Variants in GLI3 observed in about 807,000 individuals in gnomAD.
The protein encoded by GLI3 is GLI family zinc finger 3.
GLI3 carries 20 observed loss-of-function variants against 100.8 expected under a neutral mutation model. The observed-to-expected ratio is 0.20, with a 90% confidence interval of 0.14 to 0.29. The LOEUF is 0.29. Among genes scored for constraint, GLI3 ranks in the 10% least tolerant of loss-of-function variants. The pLI is 1.00. For missense variants in GLI3, 2,040 were observed against 2,128.5 expected, an observed-to-expected ratio of 0.96 and a Z score of 0.82; for synonymous variants, 938 against 860.5, an observed-to-expected ratio of 1.09 and a Z score of -1.58.
rs375273542 is a variant in GLI3, at chr7:42,190,017, C to G, written c.124+33113G>C. Among the ~76,000 whole-genome samples, 286 of 131,082 alleles carry G rather than the reference C, an allele frequency of 2.2e-3. 2 individuals carry two copies. The highest frequency in any genetic ancestry group is 5.0e-3 in the African/African-American group (171 of 33,990). 86.0% of individuals were successfully genotyped at this position (131,082 alleles called of 152,430 possible). ...ACACACACACACACACACACACACA[C>G]AGAGAACTATATTTTGCAATTACAT... On this transcript the variant is annotated intron_variant, in intron 2 of 14. Coordinates refer to ENST00000395925, the MANE Select transcript of GLI3 (RefSeq NM_000168.6).
intron 2 of GLI3, among the ~76,000 whole-genome samples, chr7:42,173,224 C>T (rs762813722): frequency 6.6e-5 from 10 of 152,150 alleles, no homozygotes; most frequent in African/African-American, 1.7e-4. Flanking sequence ...TTGACAGACA[C>T]GGCGGGCAAA....
intron 2 of GLI3, among the ~76,000 whole-genome samples, chr7:42,218,453 T>A: frequency 6.6e-6 from 1 of 150,692 alleles, no homozygotes; most frequent in Non-Finnish European, 1.5e-5. Context: ...GTCATTACTT[T>A]TAAAGGCAAA....
intron 7 of GLI3, among the ~76,000 whole-genome samples, chr7:42,039,319 T>C (rs117409221): frequency 6.6e-6 from 1 of 152,282 alleles, no homozygotes; most frequent in East Asian, 1.9e-4. Flanking sequence ...GTTAATCATG[T>C]TTACAAAAGT....
chr7:42,102,418 A>G (rs1223620018), intron 3 of GLI3, among the ~76,000 whole-genome samples: 2 of 152,182 alleles, frequency 1.3e-5, no homozygotes, highest in Non-Finnish European at 1.5e-5. Flanking sequence ...CCTGCTTCCT[A>G]TGCCTCTACA....
intron 2 of GLI3, among the ~76,000 whole-genome samples, chr7:42,221,586 G>T (rs140688135): frequency 6.6e-6 from 1 of 152,002 alleles, no homozygotes; most frequent in Non-Finnish European, 1.5e-5. Context: ...GTGCACTCAC[G>T]CAAACTATAA....
intron 4 of GLI3, among the ~76,000 whole-genome samples, chr7:42,075,230 A>T (rs978806886): frequency 3.9e-5 from 6 of 152,238 alleles, no homozygotes; most frequent in Admixed American, 1.3e-4. Context: ...AACTCATTTT[A>T]AAAAATTGCT....
intron 1 of GLI3, among the ~76,000 whole-genome samples, chr7:42,244,201 C>T (rs1438393097): frequency 1.3e-5 from 2 of 152,188 alleles, no homozygotes; most frequent in African/African-American, 2.4e-5. Flanking sequence ...CTATTTCTTA[C>T]AGAGGGTTCT....
intron 3 of GLI3, among the ~76,000 whole-genome samples, chr7:42,144,923 A>AAAAAGATGTTTCTGAACTTG (rs1786665646): frequency 6.6e-6 from 1 of 152,180 alleles, no homozygotes; most frequent in South Asian, 2.1e-4. Flanking sequence ...GGACTGGCCT[A>AAAAAGATGTTTCTGAACTTG]AAAAGATGTT....
At chr7:42,103,978 C>T (rs1355248814) in intron 3 of GLI3, among the ~76,000 whole-genome samples, 2 of 152,146 alleles carry the variant, frequency 1.3e-5, no homozygotes, top group Admixed American at 6.5e-5. Context: ...GTGGGTGTCA[C>T]GTGAGGGGCC....
At chr7:42,066,802 C>T (rs928832363) in intron 4 of GLI3, among the ~76,000 whole-genome samples, 4 of 152,194 alleles carry the variant, frequency 2.6e-5, no homozygotes, top group African/African-American at 7.2e-5. Flanking sequence ...ATTCTTCCCT[C>T]AATCCAATGA....
chr7:41,972,229 G>T lies in GLI3; in HGVS notation c.2103+108C>A. ...CTGCCCTCATCGCCTCCTCAGATCA[G>T]AGACAGCCTGACACAGTGAGGACCG... On this transcript the variant is annotated intron_variant, in intron 13 of 14. Transcript: ENST00000395925. This position sits in a 1 kb window ranked among gnomAD's most constrained non-coding sequence, Gnocchi z 4.4. 9.7e-7 allele frequency: 1 copy of T among 1,035,580 alleles called. No individual in the cohort carries two copies. Among genetic ancestry groups the T allele is most frequent in the Non-Finnish European group, 1.5e-6 (1 of 656,194 alleles). 64.1% of individuals were successfully genotyped at this position (1,035,580 alleles called of 1,614,324 possible).
chr7:42,220,697 T>A (rs1447287586), intron 2 of GLI3, among the ~76,000 whole-genome samples: 1 of 152,244 alleles, frequency 6.6e-6, no homozygotes, highest in Non-Finnish European at 1.5e-5. Flanking sequence ...TAGCATCACA[T>A]ACACAAAGAA....
At chr7:42,197,468 T>C (rs1787949910) in intron 2 of GLI3, among the ~76,000 whole-genome samples, 1 of 152,188 alleles carries the variant, frequency 6.6e-6, no homozygotes, top group South Asian at 2.1e-4. Context: ...ACAATCACAG[T>C]TAAAACAACT....
chr7:42,236,414 C>T (rs1788794593), intron 1 of GLI3, among the ~76,000 whole-genome samples: 1 of 152,186 alleles, frequency 6.6e-6, no homozygotes, highest in South Asian at 2.1e-4. Flanking sequence ...ACGACGAAGG[C>T]GCGCCTCTCT....
At chr7:42,053,608 A>G (rs1201312641) in intron 4 of GLI3, among the ~76,000 whole-genome samples, 1 of 152,184 alleles carries the variant, frequency 6.6e-6, no homozygotes, top group Non-Finnish European at 1.5e-5. Flanking sequence ...TGTCTGCTTG[A>G]TGCACATTTT....
At chr7:41,978,572 G>T in intron 11 of GLI3, 27 bp downstream of exon 11, 1 of 1,612,550 alleles carries the variant, frequency 6.2e-7, no homozygotes, top group Admixed American at 1.7e-5. Flanking sequence ...GGACCCAAGT[G>T]TGCCTGCCAC....
intron 1 of GLI3, among the ~76,000 whole-genome samples, chr7:42,246,834 T>C (rs899375839): frequency 7.5e-6 from 1 of 133,250 alleles, no homozygotes; most frequent in African/African-American, 3.2e-5. Flanking sequence ...TTTTTTTTTT[T>C]GAGGGACGAT....
intron 7 of GLI3, among the ~76,000 whole-genome samples, chr7:42,027,416 A>C (rs1387490887): frequency 6.6e-6 from 1 of 152,214 alleles, no homozygotes; most frequent in Non-Finnish European, 1.5e-5. Flanking sequence ...CCTGCTGTGT[A>C]ATACCCAGAA....
intron 2 of GLI3, among the ~76,000 whole-genome samples, chr7:42,150,345 G>C (rs1177669008): frequency 6.6e-6 from 1 of 152,046 alleles, no homozygotes; most frequent in Admixed American, 6.6e-5. Context: ...TTAGGCAGTA[G>C]GTCACCCTTG....
Sources: allele counts gnomAD v4.1 joint callset (sites outside exome capture counted in the v4.1 genomes callset), GRCh38; gene constraint gnomAD v4.1.1; non-coding constraint Gnocchi (gnomAD v3.1); transcripts MANE v1.5; gene names NCBI Gene and HGNC (gene_info 2026-07-23, HGNC 2026-07-21).